The following KMT2C variants were observed in gnomAD, a reference collection of about 807,000 sequenced individuals.
KMT2C encodes lysine methyltransferase 2C, also known as histone-lysine N-methyltransferase 2C.
KMT2C carries 88 observed loss-of-function variants against 507.9 expected under a neutral mutation model. The ratio of observed to expected loss-of-function variants is 0.17; its 90% CI spans 0.15 to 0.21. The LOEUF (loss-of-function observed/expected upper bound fraction) is 0.21, where lower values mean the gene tolerates loss of function less well. KMT2C is among the 10% of genes least tolerant of loss of function. The pLI is 1.00. For synonymous variants in KMT2C, 2,049 were observed against 2,080.8 expected, an observed-to-expected ratio of 0.98 and a Z score of 0.42; for missense variants, 4,954 against 5,957.8, an observed-to-expected ratio of 0.83 and a Z score of 5.55.
chr7:152,431,150 T>C (rs1363584892), intron 1 of KMT2C, among the ~76,000 whole-genome samples: 1 of 152,172 alleles, frequency 6.6e-6, no homozygotes, highest in Non-Finnish European at 1.5e-5. Flanking sequence ...TACTTTTATA[T>C]TTCCATGGAA....
chr7:152,425,238 A>G (rs1224409764), intron 1 of KMT2C, among the ~76,000 whole-genome samples: 3 of 152,108 alleles, frequency 2.0e-5, no homozygotes, highest in African/African-American at 7.2e-5. Context: ...ATCTATTAAT[A>G]GTTCTAATAT....
chr7:152,337,459 T>C (rs1209769106), intron 2 of KMT2C, among the ~76,000 whole-genome samples: 1 of 152,182 alleles, frequency 6.6e-6, no homozygotes, highest in East Asian at 1.9e-4. Flanking sequence ...AAACCTTTAC[T>C]TTTCCACCTC....
At chr7:152,401,097 ACTT>A (rs1302277104) in intron 1 of KMT2C, among the ~76,000 whole-genome samples, 315 of 150,482 alleles carry the variant, frequency 2.1e-3, no homozygotes, top group Admixed American at 4.2e-3. Context: ...CTATTCATTA[ACTT>A]TTTTTTTTTT....
Position 152,156,297 on chromosome 7 carries a change from G to A in KMT2C, c.11720C>T (p.Thr3907Ile), listed in dbSNP as rs2129099844. The A allele has an allele frequency of 6.2e-7, 1 of 1,614,122 alleles. No individual in the cohort carries two copies. The highest frequency in any genetic ancestry group is 8.5e-7 in the Non-Finnish European group (1 of 1,179,978). ...PPTPPASLPP[T>I]PPPMACQKMA... The stretch of plus-strand genomic sequence containing the variant: ...CTTCTGACAAGCCATAGGAGGTGGT[G>A]TAGGAGGAAGAGAGGCAGGGGGTGT... The change falls in exon 45 of 59, where the codon ACA becomes ATA. Residue 3907 changes from threonine to isoleucine, a missense_variant. By Grantham distance (89) the Thr-to-Ile change is moderately conservative. Coordinates refer to ENST00000262189, the MANE Select transcript of KMT2C (RefSeq NM_170606.3).
intron 1 of KMT2C, among the ~76,000 whole-genome samples, chr7:152,427,782 C>T (rs1189977573): frequency 6.6e-6 from 1 of 152,156 alleles, no homozygotes; most frequent in African/African-American, 2.4e-5. Context: ...AATACTTATC[C>T]TAATCGATTC....
intron 23 of KMT2C, among the ~76,000 whole-genome samples, chr7:152,219,216 T>A (rs1474311693): frequency 5.9e-5 from 9 of 152,116 alleles, no homozygotes; most frequent in Non-Finnish European, 2.9e-5. Flanking sequence ...GTGATCTACC[T>A]ACCTCGGCCT....
At chr7:152,153,409 A>C (rs928170741) in intron 48 of KMT2C, among the ~76,000 whole-genome samples, 16 of 152,248 alleles carry the variant, frequency 1.1e-4, no homozygotes, top group African/African-American at 3.9e-4. Context: ...GTCTTCACAG[A>C]ATTCAGAGTT....
At chr7:152,234,230 A>T (rs1588451065) in intron 16 of KMT2C, among the ~76,000 whole-genome samples, 1 of 152,086 alleles carries the variant, frequency 6.6e-6, no homozygotes, top group East Asian at 1.9e-4. Flanking sequence ...ATACAAAAAA[A>T]AATTAGCCAG....
chr7:152,203,145 C>G (rs2094196163), intron 25 of KMT2C, 81 bp from the exon 26 acceptor site: 3 of 1,056,704 alleles, frequency 2.8e-6, no homozygotes, highest in Non-Finnish European at 4.1e-6. Context: ...TATACCTTAC[C>G]AACATACACA....
intron 55 of KMT2C, among the ~76,000 whole-genome samples, chr7:152,141,219 AAC>A (rs969867778): frequency 6.6e-6 from 1 of 150,508 alleles, no homozygotes; most frequent in African/African-American, 2.4e-5. Context: ...CAGCCTGGGC[AAC>A]AGAGTGAGAC....
At chr7:152,310,313 C>A (rs1458262289) in intron 5 of KMT2C, among the ~76,000 whole-genome samples, 1 of 152,216 alleles carries the variant, frequency 6.6e-6, no homozygotes, top group African/African-American at 2.4e-5. Context: ...CAGTGGCTCA[C>A]TCCTGTAATC....
At chr7:152,394,218 G>C (rs781384743) in intron 1 of KMT2C, among the ~76,000 whole-genome samples, 1 of 152,130 alleles carries the variant, frequency 6.6e-6, no homozygotes, top group Non-Finnish European at 1.5e-5. Flanking sequence ...GCCAGCATGA[G>C]AGTTTTAGAG....
At chr7:152,236,829 T>G (rs1198094771) in intron 15 of KMT2C, among the ~76,000 whole-genome samples, 5 of 152,134 alleles carry the variant, frequency 3.3e-5, no homozygotes. Flanking sequence ...AGTGCCAGGA[T>G]TACAGGAGTA....
intron 2 of KMT2C, among the ~76,000 whole-genome samples, chr7:152,344,720 G>A (rs2097037378): frequency 6.6e-6 from 1 of 152,176 alleles, no homozygotes; most frequent in South Asian, 2.1e-4. Flanking sequence ...GGGCATGGTG[G>A]CTCACGCCTG....
intron 1 of KMT2C, among the ~76,000 whole-genome samples, chr7:152,392,984 A>G (rs964211200): frequency 6.6e-6 from 1 of 152,102 alleles, no homozygotes; most frequent in African/African-American, 2.4e-5. Context: ...AGTCCCAGCT[A>G]CTCTGGAGGC....
At chr7:152,386,626 C>A (rs1298404858) in intron 1 of KMT2C, among the ~76,000 whole-genome samples, 1 of 152,252 alleles carries the variant, frequency 6.6e-6, no homozygotes, top group African/African-American at 2.4e-5. Flanking sequence ...CGCTTCTCAC[C>A]CTCATTTGCC....
chr7:152,390,075 G>C (rs1201676884), intron 1 of KMT2C, among the ~76,000 whole-genome samples: 1 of 152,192 alleles, frequency 6.6e-6, no homozygotes, highest in Admixed American at 6.5e-5. Context: ...AGGTAGAAGA[G>C]GAGGCACACA....
rs10259956 is a variant in KMT2C at position 152,297,035 on chromosome 7, A to C, written c.849+12931T>G. Among the ~76,000 whole-genome samples, 31 of 97,092 alleles carry C rather than the reference A, an allele frequency of 3.2e-4. 1 individual carries two copies. Among genetic ancestry groups the C allele is most frequent in the African/African-American group, 1.4e-3 (27 of 19,278 alleles). 63.7% of individuals were successfully genotyped at this position (97,092 alleles called of 152,430 possible). On this transcript the variant is annotated intron_variant, in intron 6 of 58. Coordinates refer to ENST00000262189, the MANE Select transcript of KMT2C (RefSeq NM_170606.3). ...AAAGAAAGAAAGAAAGAAAGAAAGA[A>C]AGAAAGAAAGAAAGAAAGACAGAGA...
chr7:152,203,087 A>G, intron 25 of KMT2C, 23 bp from the exon 26 acceptor site: 1 of 1,567,062 alleles, frequency 6.4e-7, no homozygotes, highest in South Asian at 1.2e-5. Context: ...TCACATTTAT[A>G]AATATGTGAC....
Sources: gnomAD v4.1 joint callset for allele counts (sites outside exome capture counted in the v4.1 genomes callset) on GRCh38, gnomAD v4.1.1 for gene constraint, MANE v1.5 for transcripts, NCBI Gene and HGNC (gene_info 2026-07-23, HGNC 2026-07-21) for gene names.